IGSF11: variants seen among roughly 807,000 people sequenced by gnomAD.
IGSF11 encodes the protein CXADR like 1.
In IGSF11, 22 loss-of-function variants were observed where a neutral mutation model predicts 41.0. The ratio of observed to expected loss-of-function variants is 0.54; its 90% CI spans 0.38 to 0.77. IGSF11 has a LOEUF of 0.77. Among genes scored for constraint, IGSF11 ranks in the 30% least tolerant of loss-of-function variants. IGSF11 has a pLI of 0.00. For missense variants in IGSF11, 444 were observed against 530.8 expected, an observed-to-expected ratio of 0.84 and a Z score of 1.61; for synonymous variants, 219 against 201.3, an observed-to-expected ratio of 1.09 and a Z score of -0.74.
At position 118,905,734 on chromosome 3, in the gene IGSF11, T is replaced by C. The variant is rs1411709394; in HGVS notation, c.581-16A>G. On this transcript the variant is annotated splice_polypyrimidine_tract_variant and intron_variant, in intron 4 of 6. Coordinates refer to ENST00000393775, the MANE Select transcript of IGSF11 (RefSeq NM_001015887.3). ...TGGACCTGGTCTGTCACAAAAATAATAACCGAGTGAGGATTTGGCGGGACT... is the reference window on the plus strand; with the variant it reads ...TGGACCTGGTCTGTCACAAAAATAACAACCGAGTGAGGATTTGGCGGGACT... The C allele has an allele frequency of 2.5e-6, 4 of 1,613,078 alleles. No individual in the cohort carries two copies. The South Asian group carries it at 3.3e-5, about 13-fold the overall frequency.
At position 119,034,587 on chromosome 3, in the gene IGSF11, G is replaced by C. The variant is rs762577126; in HGVS notation, c.-5C>G. On this transcript the variant is annotated 5_prime_UTR_variant, in exon 1 of 7. Transcript: ENST00000393775. ...AGGGGAACGCTGAGAAGTCATCCCG[G>C]GGCCGCAGGGAGCGCGCCTGCCTCC... 1.3e-6 allele frequency: 2 copies of C among 1,588,524 alleles called. No homozygotes were observed. The highest frequency in any genetic ancestry group is 1.7e-6 in the Non-Finnish European group (2 of 1,168,966).
chr3:119,092,732 C>T (rs9815890), intron 1 of IGSF11, among the ~76,000 whole-genome samples: 2,643 of 152,318 alleles, frequency 0.017, 83 homozygotes, highest in African/African-American at 0.06. Context: ...ACTTCTAGTC[C>T]TGCAAGCTCC....
intron 4 of IGSF11, among the ~76,000 whole-genome samples, chr3:118,919,343 T>A: frequency 8.0e-6 from 1 of 124,716 alleles, no homozygotes; most frequent in Non-Finnish European, 1.6e-5. Context: ...TGGGAGAAAA[T>A]TTTCACAACC....
At chr3:118,959,819 G>A (rs1230621480) in intron 1 of IGSF11, among the ~76,000 whole-genome samples, 8 of 152,062 alleles carry the variant, frequency 5.3e-5, no homozygotes, top group African/African-American at 1.2e-4. Flanking sequence ...AGGCCAAGGC[G>A]GGCAGATCAC....
At chr3:119,063,617 C>T (rs1036909717) in intron 1 of IGSF11, among the ~76,000 whole-genome samples, 1 of 152,130 alleles carries the variant, frequency 6.6e-6, no homozygotes, top group South Asian at 2.1e-4. Context: ...AGATAGGGGA[C>T]GTCTTACTTT....
chr3:119,055,168 A>T (rs1250900702), intron 1 of IGSF11, among the ~76,000 whole-genome samples: 2 of 152,168 alleles, frequency 1.3e-5, no homozygotes, highest in Non-Finnish European at 2.9e-5. Flanking sequence ...CACACCAAAC[A>T]CCCATCTGTA....
chr3:119,000,425 A>T (rs1184468950), intron 1 of IGSF11, among the ~76,000 whole-genome samples: 1 of 151,406 alleles, frequency 6.6e-6, no homozygotes. Context: ...CACGCCTCAA[A>T]TGAGACTCTG....
intron 1 of IGSF11, among the ~76,000 whole-genome samples, chr3:119,004,770 G>A (rs899966707): frequency 6.6e-6 from 1 of 150,430 alleles, no homozygotes; most frequent in African/African-American, 2.5e-5. Flanking sequence ...TAGTTGAGCG[G>A]CTTTGAGTGA....
intron 1 of IGSF11, among the ~76,000 whole-genome samples, chr3:119,127,264 C>T (rs193280710): frequency 3.8e-4 from 57 of 150,340 alleles, no homozygotes; most frequent in Non-Finnish European, 7.8e-4. Flanking sequence ...ATCAACCAAG[C>T]GGAAGAAAGG....
intron 1 of IGSF11, among the ~76,000 whole-genome samples, chr3:119,123,757 G>C (rs1484829025): frequency 6.6e-6 from 1 of 152,190 alleles, no homozygotes; most frequent in Non-Finnish European, 1.5e-5. Flanking sequence ...ATCCAAGACT[G>C]CCAAGGTAGC....
intron 1 of IGSF11, among the ~76,000 whole-genome samples, chr3:118,993,803 G>A (rs1453493349): frequency 6.6e-6 from 1 of 152,116 alleles, no homozygotes; most frequent in African/African-American, 2.4e-5. Context: ...GTTCAGAAAA[G>A]GCAAGTCTAT....
intron 1 of IGSF11, among the ~76,000 whole-genome samples, chr3:118,975,313 C>A (rs1933951378): frequency 6.7e-6 from 1 of 148,724 alleles, no homozygotes; most frequent in African/African-American, 2.5e-5. Flanking sequence ...TTACTCATTT[C>A]ATATAGATTT....
intron 1 of IGSF11, chr3:119,105,124 T>G (rs2077000835): frequency 6.4e-7 from 1 of 1,559,872 alleles, no homozygotes; most frequent in African/African-American, 1.4e-5. Flanking sequence ...ATAAAACTTT[T>G]CCAATGTCAA....
intron 1 of IGSF11, among the ~76,000 whole-genome samples, chr3:119,130,156 G>A (rs1411947052): frequency 6.6e-6 from 1 of 152,196 alleles, no homozygotes; most frequent in Non-Finnish European, 1.5e-5. Flanking sequence ...GAAGATAGGT[G>A]ATTTCTGCAT....
intron 1 of IGSF11, among the ~76,000 whole-genome samples, chr3:119,084,503 G>A (rs1474072780): frequency 6.6e-6 from 1 of 152,138 alleles, no homozygotes; most frequent in Non-Finnish European, 1.5e-5. Flanking sequence ...CATGTGTGGG[G>A]TAGTTCCAGT....
chr3:118,962,380 A>T (rs1011835293), intron 1 of IGSF11, among the ~76,000 whole-genome samples: 1 of 152,154 alleles, frequency 6.6e-6, no homozygotes, highest in African/African-American at 2.4e-5. Context: ...CAATAAAAAA[A>T]TTTTCTGCCA....
chr3:119,079,937 G>A (rs1246480422), intron 1 of IGSF11, among the ~76,000 whole-genome samples: 2 of 152,092 alleles, frequency 1.3e-5, no homozygotes, highest in Non-Finnish European at 2.9e-5. Flanking sequence ...CGGGTACTAC[G>A]CTCACTACCT....
chr3:118,943,561 C>G (rs938741094), intron 1 of IGSF11, among the ~76,000 whole-genome samples: 1 of 152,110 alleles, frequency 6.6e-6, no homozygotes, highest in Admixed American at 6.6e-5. Flanking sequence ...ATGTGACTGG[C>G]CTTTTTCAGA....
chr3:118,974,374 A>G (rs1202684511), intron 1 of IGSF11, among the ~76,000 whole-genome samples: 1 of 152,210 alleles, frequency 6.6e-6, no homozygotes, highest in East Asian at 1.9e-4. Context: ...GTTGGAAGAA[A>G]AGGCAACGGT....
Sources: allele counts gnomAD v4.1 joint callset (sites outside exome capture counted in the v4.1 genomes callset), GRCh38; gene constraint gnomAD v4.1.1; transcripts MANE v1.5; gene names NCBI Gene and HGNC (gene_info 2026-07-23, HGNC 2026-07-21).